Variants in SPTLC3 observed in about 807,000 individuals in gnomAD.
SPTLC3 encodes serine palmitoyltransferase long chain base subunit 3.
SPTLC3 carries 36 observed loss-of-function variants against 59.3 expected under a neutral mutation model. That is an observed-to-expected ratio of 0.61 (90% confidence interval 0.47 to 0.80). The LOEUF is 0.80. SPTLC3 is among the 30% of genes least tolerant of loss of function. SPTLC3 has a pLI of 0.00. For missense variants in SPTLC3, 625 were observed against 685.1 expected (o/e 0.91, Z 0.98); for synonymous variants, 257 against 240.8 (o/e 1.07, Z -0.62).
chr20:13,099,347 C>G (rs1049158140), intron 6 of SPTLC3, among the ~76,000 whole-genome samples: 4 of 152,192 alleles, frequency 2.6e-5, no homozygotes, highest in Non-Finnish European at 5.9e-5. Context: ...GACAGAAATA[C>G]AGCCCTGCCA....
At chr20:13,155,382 C>T (rs1348142428) in intron 10 of SPTLC3, among the ~76,000 whole-genome samples, 1 of 152,118 alleles carries the variant, frequency 6.6e-6, no homozygotes, top group African/African-American at 2.4e-5. Flanking sequence ...TGGCAGAGTA[C>T]TTGAAGTATT....
intron 1 of SPTLC3, among the ~76,000 whole-genome samples, chr20:13,039,157 C>A (rs2122463884): frequency 6.6e-6 from 1 of 152,024 alleles, no homozygotes; most frequent in East Asian, 1.9e-4. Flanking sequence ...TACTATTGTT[C>A]AAGTCTTCTA....
intron 4 of SPTLC3, among the ~76,000 whole-genome samples, chr20:13,083,924 A>G (rs4081898): frequency 0.28 from 41,828 of 152,048 alleles, 5,919 homozygotes; most frequent in Middle Eastern, 0.35. Flanking sequence ...TATGTTGGAG[A>G]CTGAGGAGTC....
chr20:13,093,724 C>T, intron 6 of SPTLC3, 147 bp downstream of exon 6: 2 of 653,486 alleles, frequency 3.1e-6, no homozygotes, highest in Admixed American at 6.4e-5. Context: ...GGCTTGTTAA[C>T]CTCTGGTGAC....
chr20:13,053,606 A>T (rs1006587847), intron 2 of SPTLC3, among the ~76,000 whole-genome samples: 4 of 152,134 alleles, frequency 2.6e-5, no homozygotes, highest in African/African-American at 7.2e-5. Context: ...CTAAAGAAGC[A>T]TGTTCTAACC....
At chr20:13,020,388 G>A (rs79549799) in intron 1 of SPTLC3, among the ~76,000 whole-genome samples, 3,248 of 151,650 alleles carry the variant, frequency 0.021, 57 homozygotes, top group African/African-American at 0.055. Context: ...TTAGCTGGAC[G>A]TGGTGGCATG....
chr20:13,073,961 T>C, intron 3 of SPTLC3: 2 of 592,112 alleles, frequency 3.4e-6, no homozygotes, highest in Middle Eastern at 7.4e-4. Context: ...GAGTGGATGT[T>C]ACCAACTCCT....
rs930533584 is a variant in SPTLC3, at chr20:13,154,914, C to T, written c.1415+776C>T. The stretch of plus-strand genomic sequence containing the variant: ...GAAGTTAACTGGCAGGGCACAGTGG[C>T]TCATGCCTGTAATCCCAGCACTTTG... On this transcript the variant is annotated intron_variant, in intron 10 of 11. Transcript: ENST00000399002. 3.9e-5 allele frequency among the ~76,000 whole-genome samples: 6 copies of T among 152,202 alleles called. No individual in the cohort carries two copies. In the East Asian group the frequency reaches 7.7e-4, roughly 20 times the overall value.
chr20:13,070,510 T>C (rs1201296239), intron 2 of SPTLC3, among the ~76,000 whole-genome samples: 8 of 152,174 alleles, frequency 5.3e-5, no homozygotes, highest in Non-Finnish European at 1.2e-4. Context: ...GCACTCCCCA[T>C]GGTCTCCTTG....
intron 9 of SPTLC3, among the ~76,000 whole-genome samples, chr20:13,134,125 A>G (rs112412633): frequency 6.6e-6 from 1 of 152,206 alleles, no homozygotes; most frequent in African/African-American, 2.4e-5. Context: ...AGGTGCAGCT[A>G]CCATATAACA....
chr20:13,018,877 A>T (rs1290578596), intron 1 of SPTLC3, among the ~76,000 whole-genome samples: 1 of 152,212 alleles, frequency 6.6e-6, no homozygotes, highest in Non-Finnish European at 1.5e-5. Flanking sequence ...TAAATTTACG[A>T]CAGAAAGATC....
At chr20:13,163,942 T>C (rs1296124098) in intron 11 of SPTLC3, among the ~76,000 whole-genome samples, 1 of 152,254 alleles carries the variant, frequency 6.6e-6, no homozygotes, top group Non-Finnish European at 1.5e-5. Context: ...TTAGGGTACA[T>C]GTGCACAACG....
intron 7 of SPTLC3, 46 bp downstream of exon 7, chr20:13,110,263 A>G: frequency 6.5e-7 from 1 of 1,536,628 alleles, no homozygotes; most frequent in Non-Finnish European, 9.0e-7. Context: ...GGCCTGCAGC[A>G]AGCTGACCAG....
At chr20:13,156,668 T>C (rs370606882) in intron 10 of SPTLC3, among the ~76,000 whole-genome samples, 1 of 152,218 alleles carries the variant, frequency 6.6e-6, no homozygotes, top group African/African-American at 2.4e-5. Flanking sequence ...TCATTATTAA[T>C]AGCATCAATT....
chr20:13,050,482 G>A (rs1230208241), intron 2 of SPTLC3: 1 of 152,156 alleles, frequency 6.6e-6, no homozygotes, highest in Non-Finnish European at 1.5e-5. Flanking sequence ...TGAGGAAGAA[G>A]AGAATTCTAA....
chr20:13,070,492 C>A (rs1355592947), intron 2 of SPTLC3, among the ~76,000 whole-genome samples: 2 of 152,118 alleles, frequency 1.3e-5, no homozygotes, highest in Non-Finnish European at 2.9e-5. Context: ...ATACGGTCAT[C>A]CACAAAGGCA....
intron 4 of SPTLC3, among the ~76,000 whole-genome samples, chr20:13,088,087 C>G (rs748516561): frequency 6.6e-6 from 1 of 152,136 alleles, no homozygotes; most frequent in Non-Finnish European, 1.5e-5. Context: ...AGGCTGTTGG[C>G]CTTTTCACTG....
chr20:13,135,195 G>A (rs1256315635), intron 9 of SPTLC3, among the ~76,000 whole-genome samples: 2 of 152,182 alleles, frequency 1.3e-5, no homozygotes, highest in Non-Finnish European at 2.9e-5. Context: ...TGTCTCTTCA[G>A]TGTATCTTCA....
At position 13,009,254 on chromosome 20, in the gene SPTLC3, G is replaced by A. The variant is rs1441225632; in HGVS notation, c.-14G>A. ...TGAAGGAAAACCTGTCCCGGGCTCT[G>A]TCACTTCACACCCATGGCTAACCCT... On this transcript the variant is annotated 5_prime_UTR_variant, in exon 1 of 12. Transcript: ENST00000399002. The A allele has an allele frequency of 5.6e-6, 9 of 1,612,186 alleles. No homozygotes were observed. Among genetic ancestry groups the A allele is most frequent in the Admixed American group, 1.7e-5 (1 of 59,950 alleles).
Sources: allele counts gnomAD v4.1 joint callset (sites outside exome capture counted in the v4.1 genomes callset), GRCh38; gene constraint gnomAD v4.1.1; transcripts MANE v1.5; gene names NCBI Gene and HGNC (gene_info 2026-07-23, HGNC 2026-07-21).